The following SNTG2 variants were observed in gnomAD, a reference collection of about 807,000 sequenced individuals.
SNTG2 encodes the protein gamma-2-syntrophin.
Under a neutral mutation model 70.9 loss-of-function variants are expected in SNTG2, and 74 were observed. The ratio of observed to expected loss-of-function variants is 1.04; its 90% CI spans 0.86 to 1.27. The LOEUF (loss-of-function observed/expected upper bound fraction) is 1.27. SNTG2 is among the 50% of genes most tolerant of loss of function. SNTG2 has a pLI of 0.00. For missense variants in SNTG2, 717 were observed against 690.7 expected, an observed-to-expected ratio of 1.04 and a Z score of -0.43; for synonymous variants, 278 against 273.8, an observed-to-expected ratio of 1.02 and a Z score of -0.15.
intron 1 of SNTG2, among the ~76,000 whole-genome samples, chr2:1,060,632 G>A (rs913331274): frequency 3.9e-5 from 6 of 152,266 alleles, no homozygotes; most frequent in African/African-American, 1.4e-4. Flanking sequence ...AGTGTCCCAT[G>A]GGCCAAGCCT....
At chr2:1,192,220 A>G (rs1672639106) in intron 8 of SNTG2, among the ~76,000 whole-genome samples, 1 of 152,130 alleles carries the variant, frequency 6.6e-6, no homozygotes, top group Admixed American at 6.5e-5. Flanking sequence ...GTTTCCACAA[A>G]AGGTTCTGTT....
At chr2:1,059,287 T>G (rs532203960) in intron 1 of SNTG2, 1 of 152,172 alleles carries the variant, frequency 6.6e-6, no homozygotes, top group South Asian at 2.1e-4. Flanking sequence ...TGAGAAGGAA[T>G]GTAGGAGTTT....
intron 8 of SNTG2, among the ~76,000 whole-genome samples, chr2:1,178,549 T>C (rs1191367536): frequency 2.0e-5 from 3 of 152,216 alleles, no homozygotes; most frequent in South Asian, 4.1e-4. Context: ...TTTCTGCATC[T>C]ATTGAGATAA....
At chr2:1,113,398 G>A (rs1267032853) in intron 4 of SNTG2, among the ~76,000 whole-genome samples, 1 of 151,610 alleles carries the variant, frequency 6.6e-6, no homozygotes, top group Non-Finnish European at 1.5e-5. Flanking sequence ...GTGTACTAAG[G>A]TTTAACCACT....
At chr2:1,290,935 A>T (rs1422001596) in intron 14 of SNTG2, among the ~76,000 whole-genome samples, 5 of 152,242 alleles carry the variant, frequency 3.3e-5, no homozygotes, top group Non-Finnish European at 7.3e-5. Context: ...CCATAACATT[A>T]CAAAATTTTA....
At chr2:1,078,260 T>C (rs1275045954) in intron 1 of SNTG2, among the ~76,000 whole-genome samples, 1 of 152,194 alleles carries the variant, frequency 6.6e-6, no homozygotes, top group Non-Finnish European at 1.5e-5. Context: ...ATGGAACTCA[T>C]GCTCTGTTGT....
intron 4 of SNTG2, among the ~76,000 whole-genome samples, chr2:1,134,447 G>A (rs1323539483): frequency 7.4e-6 from 1 of 134,658 alleles, no homozygotes; most frequent in Non-Finnish European, 1.7e-5. Context: ...TAGATACAGA[G>A]TGTCGACACA....
chr2:1,002,829 A>G (rs1324476320), intron 1 of SNTG2, among the ~76,000 whole-genome samples: 1 of 151,726 alleles, frequency 6.6e-6, no homozygotes, highest in Non-Finnish European at 1.5e-5. Flanking sequence ...TCACAGTAGC[A>G]AATATCTAGA....
At chr2:1,301,247 T>A (rs1680444509) in intron 14 of SNTG2, among the ~76,000 whole-genome samples, 1 of 151,258 alleles carries the variant, frequency 6.6e-6, no homozygotes, top group African/African-American at 2.4e-5. Context: ...TGAGGGAGAG[T>A]CACAGAGTCC....
chr2:1,025,537 C>T (rs1056003073), intron 1 of SNTG2, among the ~76,000 whole-genome samples: 60 of 152,290 alleles, frequency 3.9e-4, no homozygotes, highest in African/African-American at 1.4e-3. Flanking sequence ...GGCAGGACTG[C>T]GTTCTTTCTG....
At chr2:1,247,872 C>T (rs536760213) in intron 12 of SNTG2, among the ~76,000 whole-genome samples, 1 of 152,080 alleles carries the variant, frequency 6.6e-6, no homozygotes, top group Non-Finnish European at 1.5e-5. Flanking sequence ...AAATAAGCAG[C>T]CTGCTTTAGT....
chr2:1,089,634 CAA>C (rs200450314), intron 2 of SNTG2, among the ~76,000 whole-genome samples: 1 of 151,564 alleles, frequency 6.6e-6, no homozygotes, highest in South Asian at 2.1e-4. Context: ...AACTCCGTCT[CAA>C]AATAATAATA....
At chr2:1,301,270 T>C (rs1680445417) in intron 14 of SNTG2, among the ~76,000 whole-genome samples, 1 of 152,154 alleles carries the variant, frequency 6.6e-6, no homozygotes, top group Non-Finnish European at 1.5e-5. Flanking sequence ...ATACTCACTG[T>C]GGTTGTCACT....
At chr2:976,267 A>G (rs953867614) in intron 1 of SNTG2, among the ~76,000 whole-genome samples, 1 of 152,244 alleles carries the variant, frequency 6.6e-6, no homozygotes, top group African/African-American at 2.4e-5. Flanking sequence ...TTATCATGAA[A>G]TAACATTTGT....
intron 1 of SNTG2, among the ~76,000 whole-genome samples, chr2:969,572 T>C (rs1276868401): frequency 6.6e-6 from 1 of 152,228 alleles, no homozygotes; most frequent in Non-Finnish European, 1.5e-5. Flanking sequence ...TATAGAGATA[T>C]TTCACCTCCC....
chr2:979,024 T>C (rs1337207443), intron 1 of SNTG2, among the ~76,000 whole-genome samples: 4 of 152,264 alleles, frequency 2.6e-5, no homozygotes, highest in African/African-American at 9.6e-5. Context: ...GGCCCTGCTC[T>C]TCTTAATCGC....
chr2:1,033,422 C>T (rs972226951), intron 1 of SNTG2, among the ~76,000 whole-genome samples: 1 of 152,202 alleles, frequency 6.6e-6, no homozygotes, highest in Non-Finnish European at 1.5e-5. Flanking sequence ...AAATGCCTGT[C>T]CCTTCTTCAA....
intron 1 of SNTG2, among the ~76,000 whole-genome samples, chr2:1,062,055 CATG>C (rs1364393528): frequency 1.3e-5 from 2 of 151,998 alleles, no homozygotes; most frequent in East Asian, 1.9e-4. Flanking sequence ...TAATAACAAA[CATG>C]AGTGTAATAG....
chr2:1,121,851 T>G (rs1667400778), intron 4 of SNTG2, among the ~76,000 whole-genome samples: 1 of 152,126 alleles, frequency 6.6e-6, no homozygotes, highest in Admixed American at 6.5e-5. Flanking sequence ...AGATGAGATT[T>G]GGGTGGGAAC....
Sources: allele counts gnomAD v4.1 joint callset (sites outside exome capture counted in the v4.1 genomes callset), GRCh38; gene constraint gnomAD v4.1.1; transcripts MANE v1.5; gene names NCBI Gene and HGNC (gene_info 2026-07-23, HGNC 2026-07-21).